The following TTC39A variants were observed in gnomAD, a reference collection of about 807,000 sequenced individuals.
TTC39A encodes tetratricopeptide repeat domain 39A.
TTC39A carries 46 observed loss-of-function variants against 82.3 expected under a neutral mutation model. That is an observed-to-expected ratio of 0.56 (90% CI 0.44 to 0.71). TTC39A has a LOEUF of 0.71. TTC39A is among the 30% of genes least tolerant of loss of function. The probability of loss-of-function intolerance (pLI) is 0.00; values close to 1 mark genes in which losing one functional copy is unlikely to be tolerated. For missense variants in TTC39A, 543 were observed against 712.9 expected (o/e 0.76, Z 2.71); for synonymous variants, 254 against 275.2 (o/e 0.92, Z 0.76).
chr1:51,332,502 C>T (rs777998972), upstream of TTC39A, among the ~76,000 whole-genome samples: 10 of 152,238 alleles, frequency 6.6e-5, no homozygotes, highest in Middle Eastern at 3.2e-3. Flanking sequence ...CTCAAGTGAT[C>T]CGCCTACCTT....
In TTC39A at chr1:51,321,156, G is replaced by A. The variant is rs1645502976; in HGVS notation, c.146+565C>T. Among the ~76,000 whole-genome samples, 1 of 152,220 alleles carries A rather than the reference G, an allele frequency of 6.6e-6. No homozygotes were observed. Among genetic ancestry groups the A allele is most frequent in the Non-Finnish European group, 1.5e-5 (1 of 68,044 alleles). ...CCCAAAGTGCTGGGATTACAAGCGT[G>A]AGCCACCACGCCCAGCCCAATAAAT... On this transcript the variant is annotated intron_variant, in intron 2 of 17. Coordinates refer to ENST00000680483, the MANE Select transcript of TTC39A (RefSeq NM_001297663.2). This position sits in a 1 kb window ranked among gnomAD's most constrained non-coding sequence, Gnocchi z 4.6.
At chr1:51,295,412 C>A (rs1272371496) in intron 13 of TTC39A, 1 of 153,174 alleles carries the variant, frequency 6.5e-6, no homozygotes, top group Non-Finnish European at 1.5e-5. Flanking sequence ...GAGGAAGGCT[C>A]TAAGCTCCAT....
chr1:51,305,603 G>A, intron 7 of TTC39A: 1 of 325,762 alleles, frequency 3.1e-6, no homozygotes, highest in Non-Finnish European at 5.8e-6. Context: ...GTCATCAGCT[G>A]GTTTCAGGAC....
intron 7 of TTC39A, 53 bp from the exon 8 acceptor site, chr1:51,305,199 C>T: frequency 6.4e-7 from 1 of 1,561,814 alleles, no homozygotes; most frequent in Non-Finnish European, 8.8e-7. Flanking sequence ...TGGGCAGGGG[C>T]CACCCCCACT....
rs750698690 is a variant in TTC39A at position 51,290,569 on chromosome 1, C to T, written c.1323G>A (p.Thr441=). 33 of 1,613,868 alleles carry T rather than the reference C, an allele frequency of 2.0e-5. No individual in the cohort carries two copies. Among genetic ancestry groups the T allele is most frequent in the Non-Finnish European group, 2.3e-5 (27 of 1,179,900 alleles). ...TAGTGATAATCTCAAGTATCCCATC[C>T]GTGAGTTTCGGCTGCTTCCCAATCA... ...YAVIGKQPKL[T]DGILEIITKA... is the part of the protein sequence containing the mutation. Residue 441 remains threonine (T), a synonymous_variant, in exon 15 of 18, where the codon ACG becomes ACA. Coordinates refer to ENST00000680483, the MANE Select transcript of TTC39A (RefSeq NM_001297663.2).
chr1:51,313,990 C>CGTCA (rs1191337143), intron 2 of TTC39A, among the ~76,000 whole-genome samples: 13 of 152,264 alleles, frequency 8.5e-5, no homozygotes, highest in Non-Finnish European at 1.5e-4. Context: ...CCACGCTGAA[C>CGTCA]TGACATCAGC....
Position 51,287,716 on chromosome 1 carries a change from T to C in TTC39A, c.*441A>G, listed in dbSNP as rs543323201. 4.2e-4 allele frequency: 70 copies of C among 168,108 alleles called. No homozygotes were observed. The highest frequency in any genetic ancestry group is 8.0e-4 in the Non-Finnish European group (61 of 75,992). 10.4% of individuals were successfully genotyped at this position (168,108 alleles called of 1,614,324 possible). A position where few individuals can be genotyped will look rare whatever the true frequency, so the allele number is the denominator to read the frequency against. Reference sequence around the variant, plus strand: ...CCTTCCGTCACACAAGCTGAGAACTTGCTGAATTTGAAAAGCAATTTGCCC... The same window carrying C: ...CCTTCCGTCACACAAGCTGAGAACTCGCTGAATTTGAAAAGCAATTTGCCC... On this transcript the variant is annotated 3_prime_UTR_variant, in exon 18 of 18. Coordinates refer to ENST00000680483, the MANE Select transcript of TTC39A (RefSeq NM_001297663.2).
At position 51,330,346 on chromosome 1, in the gene TTC39A, G is replaced by A. The variant is rs1399090185; in HGVS notation, c.41+91C>T. 1.1e-6 allele frequency: 1 copy of A among 922,474 alleles called. No homozygotes were observed. Among genetic ancestry groups the A allele is most frequent in the Non-Finnish European group, 1.3e-6 (1 of 774,386 alleles). The allele number at this position is 922,474 out of a possible 1,614,324, so 57.1% of individuals were successfully genotyped here. A position where few individuals can be genotyped will look rare whatever the true frequency, so the allele number is the denominator to read the frequency against. On this transcript the variant is annotated intron_variant, in intron 1 of 17. Transcript: ENST00000680483. This position sits in a 1 kb window ranked among gnomAD's most constrained non-coding sequence, Gnocchi z 4.5. Reference sequence around the variant, plus strand: ...AGCCGCAGTGCGGCCCCAGGCCGGTGCGCGGGGGGAGGCCTGGCGCGGCGC... The same window carrying A: ...AGCCGCAGTGCGGCCCCAGGCCGGTACGCGGGGGGAGGCCTGGCGCGGCGC...
At position 51,294,561 on chromosome 1, in the gene TTC39A, G is replaced by A. The variant is rs1451320751; in HGVS notation, c.1146-50C>T. ...GAGAGGATGAAAAAGAGCAGGAGAG[G>A]GCAGAGGGTCCCCAGCCTACCCAGC... is the stretch of plus-strand genomic sequence containing the variant. On this transcript the variant is annotated intron_variant, in intron 13 of 17. Transcript: ENST00000680483. The surrounding 1 kb of genome is among the most constrained non-coding windows in gnomAD (Gnocchi z 4.3). 1 of 1,610,176 alleles carries A rather than the reference G, an allele frequency of 6.2e-7. No homozygotes were observed. The highest frequency in any genetic ancestry group is 1.3e-5 in the African/African-American group (1 of 74,996).
Position 51,330,239 on chromosome 1 carries a change from C to T in TTC39A, c.41+198G>A, listed in dbSNP as rs1645854992. 2 of 981,326 alleles carry T rather than the reference C, an allele frequency of 2.0e-6. No individual in the cohort carries two copies. The highest frequency in any genetic ancestry group is 9.4e-5 in the South Asian group (2 of 21,188). The allele number at this position is 981,326 out of a possible 1,614,324, so 60.8% of individuals were successfully genotyped here. On this transcript the variant is annotated intron_variant, in intron 1 of 17. Coordinates refer to ENST00000680483, the MANE Select transcript of TTC39A (RefSeq NM_001297663.2). The surrounding 1 kb of genome is among the most constrained non-coding windows in gnomAD (Gnocchi z 4.5). Reference sequence around the variant, plus strand: ...GTGAGTGACCGACCCGGGGTCCCCGCGCCTCCGCCTCCTCACAGCCCCCTG... The same window carrying T: ...GTGAGTGACCGACCCGGGGTCCCCGTGCCTCCGCCTCCTCACAGCCCCCTG...
At chr1:51,328,402 A>T (rs904284464) in intron 1 of TTC39A, among the ~76,000 whole-genome samples, 29 of 152,236 alleles carry the variant, frequency 1.9e-4, no homozygotes, top group African/African-American at 7.0e-4. Flanking sequence ...ACATCAGGGC[A>T]AGTGGGACAA....
intron 13 of TTC39A, among the ~76,000 whole-genome samples, chr1:51,295,018 C>A (rs558737394): frequency 7.2e-5 from 11 of 152,222 alleles, no homozygotes; most frequent in Non-Finnish European, 1.6e-4. Context: ...CACGCCCCCA[C>A]ATCTGGGGCC....
chr1:51,327,946 C>T (rs1008127121), intron 1 of TTC39A, among the ~76,000 whole-genome samples: 2 of 152,198 alleles, frequency 1.3e-5, no homozygotes, highest in African/African-American at 4.8e-5. Flanking sequence ...ATCCACCTGC[C>T]TGGGCCTCCC....
At chr1:51,337,815 A>G (rs1291118363) in intron 1 of TTC39A, among the ~76,000 whole-genome samples, 1 of 152,118 alleles carries the variant, frequency 6.6e-6, no homozygotes, top group Non-Finnish European at 1.5e-5. Flanking sequence ...GTCAAGTGAC[A>G]TCTTTTTATT....
intron 2 of TTC39A, among the ~76,000 whole-genome samples, chr1:51,318,110 G>C (rs1226013790): frequency 6.6e-6 from 1 of 152,218 alleles, no homozygotes; most frequent in Non-Finnish European, 1.5e-5. Flanking sequence ...GGACAGTTTA[G>C]AGTAGGCTGA....
chr1:51,315,377 G>T (rs1263416243), intron 2 of TTC39A, among the ~76,000 whole-genome samples: 1 of 152,182 alleles, frequency 6.6e-6, no homozygotes, highest in Non-Finnish European at 1.5e-5. Flanking sequence ...GTTTGTATTT[G>T]CATATATATC....
At chr1:51,345,109 G>T in exon 1 of TTC39A, 16 of 1,200,008 alleles carry the variant, frequency 1.3e-5, no homozygotes, top group Non-Finnish European at 1.5e-5. Context: ...GGCCGTGGAG[G>T]CTACAGTGGC....
rs775150235 is a variant in TTC39A at position 51,321,849 on chromosome 1, G to A, written c.42-24C>T. On this transcript the variant is annotated intron_variant, in intron 1 of 17. Coordinates refer to ENST00000680483, the MANE Select transcript of TTC39A (RefSeq NM_001297663.2). This position sits in a 1 kb window ranked among gnomAD's most constrained non-coding sequence, Gnocchi z 4.6. Reference sequence around the variant, plus strand: ...TCCTGGGGGAAGAGATGCGGGGCATGACACAGGGGCCCTCCAACCCTCCAG... The same window carrying A: ...TCCTGGGGGAAGAGATGCGGGGCATAACACAGGGGCCCTCCAACCCTCCAG... 7.6e-5 allele frequency: 121 copies of A among 1,597,024 alleles called. No homozygotes were observed. In the Admixed American group the frequency reaches 2.0e-3, roughly 27 times the overall value.
intron 1 of TTC39A, chr1:51,329,807 T>C (rs1645838426): frequency 6.6e-6 from 1 of 152,252 alleles, no homozygotes; most frequent in African/African-American, 2.4e-5. Flanking sequence ...GGGGGTGATC[T>C]AGGTAGGGGT....
Sources: gnomAD v4.1 joint callset for allele counts (sites outside exome capture counted in the v4.1 genomes callset) on GRCh38, gnomAD v4.1.1 for gene constraint, Gnocchi (gnomAD v3.1) non-coding constraint, MANE v1.5 for transcripts, NCBI Gene and HGNC (gene_info 2026-07-23, HGNC 2026-07-21) for gene names.